The following TAOK3 variants were observed in gnomAD, a reference collection of about 807,000 sequenced individuals.
TAOK3 encodes serine/threonine-protein kinase TAO3.
In TAOK3, 40 loss-of-function variants were observed where a neutral mutation model predicts 120.4. The observed-to-expected ratio is 0.33, with a 90% CI of 0.26 to 0.43. The LOEUF (loss-of-function observed/expected upper bound fraction) is 0.43. TAOK3 is among the 20% of genes least tolerant of loss of function. TAOK3 has a pLI of 1.00. For synonymous variants in TAOK3, 355 were observed against 387.5 expected, an observed-to-expected ratio of 0.92 and a Z score of 0.99; for missense variants, 821 against 1,112.1, an observed-to-expected ratio of 0.74 and a Z score of 3.72.
At chr12:118,363,662 C>A (rs925322663) in intron 1 of TAOK3, among the ~76,000 whole-genome samples, 1 of 151,674 alleles carries the variant, frequency 6.6e-6, no homozygotes, top group Non-Finnish European at 1.5e-5. Context: ...AGAAATGGAA[C>A]AAAATCCTGA....
At chr12:118,275,283 C>T (rs1345092292) in intron 1 of TAOK3, among the ~76,000 whole-genome samples, 2 of 152,048 alleles carry the variant, frequency 1.3e-5, no homozygotes, top group Admixed American at 6.6e-5. Flanking sequence ...GGACTACAGG[C>T]GTGTGCCACC....
chr12:118,323,232 G>T (rs2043797469), intron 1 of TAOK3, among the ~76,000 whole-genome samples: 1 of 152,024 alleles, frequency 6.6e-6, no homozygotes, highest in Non-Finnish European at 1.5e-5. Context: ...TTGAGATCTG[G>T]CAATGAAATA....
chr12:118,237,200 G>A (rs897018050), intron 7 of TAOK3, among the ~76,000 whole-genome samples: 1 of 152,150 alleles, frequency 6.6e-6, no homozygotes, highest in Non-Finnish European at 1.5e-5. Flanking sequence ...AAGTGGTCAT[G>A]GCTACACTGG....
chr12:118,211,561 T>C (rs1260740444), intron 11 of TAOK3, among the ~76,000 whole-genome samples: 1 of 152,092 alleles, frequency 6.6e-6, no homozygotes, highest in Non-Finnish European at 1.5e-5. Flanking sequence ...TATATCCTTT[T>C]GTTGTCTGTA....
At chr12:118,289,469 T>A (rs1232753641) in intron 1 of TAOK3, among the ~76,000 whole-genome samples, 1 of 152,084 alleles carries the variant, frequency 6.6e-6, no homozygotes, top group Non-Finnish European at 1.5e-5. Flanking sequence ...TATTTGTCTA[T>A]ACCCAAGAAC....
At chr12:118,244,313 T>C (rs2040382009) in intron 4 of TAOK3, among the ~76,000 whole-genome samples, 1 of 152,102 alleles carries the variant, frequency 6.6e-6, no homozygotes, top group African/African-American at 2.4e-5. Context: ...TCCTCCAGCC[T>C]TGGCTTCCCA....
At chr12:118,214,197 G>T in intron 9 of TAOK3, 87 bp from the exon 10 acceptor site, 1 of 1,034,464 alleles carries the variant, frequency 9.7e-7, no homozygotes, top group Non-Finnish European at 1.4e-6. Context: ...AAGCTTTGCG[G>T]CTAAATCAAT....
rs1011402484 is a variant in TAOK3 at position 118,240,986 on chromosome 12, T to C, written c.295-1714A>G. Among the ~76,000 whole-genome samples, 12 of 149,478 alleles carry C rather than the reference T, an allele frequency of 8.0e-5. No individual in the cohort carries two copies. In the South Asian group the frequency reaches 8.4e-4, roughly 10 times the overall value. ...CTTTTATAGTTATATATTATAAATA[T>C]CAATATATATGAACATATTATAAAT... is the stretch of plus-strand genomic sequence containing the variant. On this transcript the variant is annotated intron_variant, in intron 5 of 20. Transcript: ENST00000392533.
chr12:118,319,858 A>G (rs1380857692), intron 1 of TAOK3, among the ~76,000 whole-genome samples: 1 of 152,190 alleles, frequency 6.6e-6, no homozygotes, highest in African/African-American at 2.4e-5. Context: ...TATACCCCAA[A>G]GAATTGAAAA....
intron 4 of TAOK3, among the ~76,000 whole-genome samples, chr12:118,244,459 T>C (rs980924173): frequency 1.3e-5 from 2 of 151,660 alleles, no homozygotes; most frequent in African/African-American, 4.9e-5. Context: ...TTTTATTATA[T>C]GCTCCACAAG....
intron 15 of TAOK3, among the ~76,000 whole-genome samples, chr12:118,179,472 T>C (rs956637277): frequency 2.6e-5 from 4 of 152,132 alleles, no homozygotes; most frequent in South Asian, 4.1e-4. Context: ...GGAGGAGGGA[T>C]AGCATTAGGA....
intron 1 of TAOK3, among the ~76,000 whole-genome samples, chr12:118,356,290 ACTTT>A (rs1189927476): frequency 7.1e-6 from 1 of 141,684 alleles, no homozygotes; most frequent in Non-Finnish European, 1.5e-5. Context: ...CAATTTGGTC[ACTTT>A]CTTTTTTTTT....
chr12:118,166,481 T>C (rs1005025271), intron 17 of TAOK3, among the ~76,000 whole-genome samples: 1 of 149,626 alleles, frequency 6.7e-6, no homozygotes, highest in African/African-American at 2.5e-5. Flanking sequence ...GAGGTTGCAG[T>C]GAGCTGAGAC....
At chr12:118,323,710 G>T (rs1233975081) in intron 1 of TAOK3, among the ~76,000 whole-genome samples, 2 of 152,110 alleles carry the variant, frequency 1.3e-5, no homozygotes, top group Non-Finnish European at 2.9e-5. Context: ...TTGCAGAACA[G>T]TATATGTCAT....
At chr12:118,239,798 A>C (rs2040167236) in intron 5 of TAOK3, among the ~76,000 whole-genome samples, 1 of 152,198 alleles carries the variant, frequency 6.6e-6, no homozygotes, top group Admixed American at 6.5e-5. Context: ...GTATCATTAC[A>C]TTACCTTGAA....
chr12:118,310,128 A>G (rs1215876883), intron 1 of TAOK3, among the ~76,000 whole-genome samples: 3 of 152,128 alleles, frequency 2.0e-5, no homozygotes, highest in Non-Finnish European at 4.4e-5. Context: ...ACAATAAAAT[A>G]TAAAAATTAG....
At chr12:118,344,215 AT>A (rs1353914052) in intron 1 of TAOK3, among the ~76,000 whole-genome samples, 12 of 144,146 alleles carry the variant, frequency 8.3e-5, no homozygotes, top group Admixed American at 2.9e-4. Context: ...TGCAGTCTGA[AT>A]TTTTTTTCCT....
At chr12:118,197,137 C>T (rs185325730) in intron 13 of TAOK3, among the ~76,000 whole-genome samples, 10 of 152,220 alleles carry the variant, frequency 6.6e-5, no homozygotes, top group African/African-American at 2.2e-4. Context: ...GATACCATAT[C>T]TTAAGTTTTC....
At chr12:118,176,187 C>T (rs1044566228) in intron 16 of TAOK3, among the ~76,000 whole-genome samples, 6 of 151,934 alleles carry the variant, frequency 3.9e-5, no homozygotes, top group South Asian at 4.2e-4. Flanking sequence ...AGGAATTAAC[C>T]GAGCAAAATT....
Sources: allele counts gnomAD v4.1 joint callset (sites outside exome capture counted in the v4.1 genomes callset), GRCh38; gene constraint gnomAD v4.1.1; transcripts MANE v1.5; gene names NCBI Gene and HGNC (gene_info 2026-07-23, HGNC 2026-07-21).